HMX1: variants seen among roughly 807,000 people sequenced by gnomAD.
The protein encoded by HMX1 is homeobox protein HMX1.
A neutral mutation model predicts 8.9 loss-of-function variants in HMX1; 8 were observed. The ratio of observed to expected loss-of-function variants is 0.90; its 90% CI spans 0.53 to 1.63. The LOEUF is 1.63. Among genes scored for constraint, HMX1 ranks in the 40% most tolerant of loss-of-function variants. The pLI, the probability that HMX1 is intolerant of heterozygous loss-of-function variation, is 0.00. For synonymous variants in HMX1, 311 were observed against 283.4 expected (o/e 1.10, Z -0.98); for missense variants, 621 against 558.5 (o/e 1.11, Z -1.13).
intron 1 of HMX1, chr4:8,860,968 A>AGGGCGGGGGAGGGGGCGG (rs1159196795): frequency 6.3e-5 from 1 of 15,976 alleles, no homozygotes; most frequent in Non-Finnish European, 1.3e-4. Context: ...GGCGGGGGCG[A>AGGGCGGGGGAGGGGGCGG]GGGCGGGGGA....
chr4:8,847,660 G>A lies in HMX1; in HGVS notation c.395-1336C>T, dbSNP rs755272863. ...GTCACAGATGTGGAAACAGCCTCCC[G>A]TGGAGCTAGCAGTGCCCAGATTTGA... On this transcript the variant is annotated intron_variant, in intron 1 of 1. Transcript: ENST00000506970. The surrounding 1 kb of genome is among the most constrained non-coding windows in gnomAD (Gnocchi z 6.0). 2.0e-5 allele frequency among the ~76,000 whole-genome samples: 3 copies of A among 152,204 alleles called. No individual in the cohort carries two copies. Among genetic ancestry groups the A allele is most frequent in the African/African-American group, 7.2e-5 (3 of 41,442 alleles).
In HMX1 at chr4:8,867,776, C is replaced by CGGA; in HGVS notation, c.961_963dup (p.Ser321dup). The CGGA allele has an allele frequency of 7.9e-7, 1 of 1,269,608 alleles. No individual in the cohort carries two copies. The highest frequency in any genetic ancestry group is 9.9e-7 in the Non-Finnish European group (1 of 1,012,164). The allele number at this position is 1,269,608 out of a possible 1,614,324, so 78.6% of individuals were successfully genotyped here. ...GCGGCCAGCGGGTAGGCGAGGGCCC[C>CGGA]GGAGAAGCCGAGCAGCGGTGGGGGC... is the stretch of plus-strand genomic sequence containing the variant. On this transcript the variant is annotated inframe_insertion, in exon 2 of 2. Transcript: ENST00000400677.
intron 1 of HMX1, chr4:8,846,328 C>G (rs1247344076): frequency 6.5e-7 from 1 of 1,532,886 alleles, no homozygotes; most frequent in Non-Finnish European, 8.7e-7. Context: ...TGTGTGCCTG[C>G]AGGGGAGAAA....
intron 1 of HMX1, among the ~76,000 whole-genome samples, chr4:8,854,493 C>T (rs925949789): frequency 6.6e-6 from 1 of 152,234 alleles, no homozygotes; most frequent in African/African-American, 2.4e-5. Context: ...TGAGGTTCCC[C>T]CAAGCAGCAG....
downstream of HMX1, among the ~76,000 whole-genome samples, chr4:8,864,661 C>T (rs1721938343): frequency 6.6e-6 from 1 of 152,192 alleles, no homozygotes; most frequent in South Asian, 2.1e-4. Flanking sequence ...GTTTGTTCTG[C>T]CTTTGGTGCC....
At position 8,867,842 on chromosome 4, in the gene HMX1, C is replaced by T. The variant is rs1050213588; in HGVS notation, c.898G>A (p.Ala300Thr). Residue 300 changes from alanine (A) to threonine (T), a missense_variant, in exon 2 of 2, where the codon GCC (alanine) becomes ACC (threonine). Ala to Thr is a moderately conservative substitution (Grantham distance 58). Transcript: ENST00000400677. ...GGCGCCAGCGGGAAGGGCAGGGTGG[C>T]CGGGGGCCCAGCGGCGGCTGCGGCC... is the stretch of plus-strand genomic sequence containing the variant. ...PPAAAAAGPP[A>T]TLPFPLAPAA... 5.1e-5 allele frequency: 63 copies of T among 1,235,724 alleles called. No individual in the cohort carries two copies. Among genetic ancestry groups the T allele is most frequent in the African/African-American group, 2.0e-4 (13 of 63,554 alleles). 76.5% of individuals were successfully genotyped at this position (1,235,724 alleles called of 1,614,324 possible).
rs1721361682 is a variant in HMX1 at position 8,849,073 on chromosome 4, A to T, written c.395-2749T>A. Among the ~76,000 whole-genome samples the T allele has an allele frequency of 1.3e-5, 2 of 152,020 alleles. No individual in the cohort carries two copies. Among genetic ancestry groups the T allele is most frequent in the African/African-American group, 4.8e-5 (2 of 41,422 alleles). On this transcript the variant is annotated intron_variant, in intron 1 of 1. Transcript: ENST00000506970. The surrounding 1 kb of genome is among the most constrained non-coding windows in gnomAD (Gnocchi z 6.6). ...GCCTCCTCCCCCTGCCCGCTGCTCC[A>T]TCGTGGACGTCTTCTCTCAGAGCCT...
At chr4:8,864,702 CAG>C (rs1216097873), downstream of HMX1, among the ~76,000 whole-genome samples, 3 of 152,192 alleles carry the variant, frequency 2.0e-5, no homozygotes, top group Admixed American at 2.0e-4. Flanking sequence ...CCACGGATAA[CAG>C]GGCAGGGCCA....
At chr4:8,864,640 G>A (rs1282168903), downstream of HMX1, among the ~76,000 whole-genome samples, 4 of 152,198 alleles carry the variant, frequency 2.6e-5, no homozygotes, top group Admixed American at 2.6e-4. Context: ...GTCCTACACT[G>A]CTTTTCTCTG....
chr4:8,854,003 C>A (rs1244476111), intron 1 of HMX1, among the ~76,000 whole-genome samples: 1 of 152,232 alleles, frequency 6.6e-6, no homozygotes, highest in Non-Finnish European at 1.5e-5. Flanking sequence ...GTGCCCTGAG[C>A]CGACCCATGG....
rs1214891458 is a variant in HMX1, at chr4:8,870,461, G to A, written c.394+760C>T. The stretch of plus-strand genomic sequence containing the variant: ...AGGGAACAAAGGCAAGGAGGGGGAG[G>A]GGCAGAAAAAGAAGAGAGAGGGGTT... On this transcript the variant is annotated intron_variant, in intron 1 of 1. Transcript: ENST00000400677. The surrounding 1 kb of genome is among the most constrained non-coding windows in gnomAD (Gnocchi z 4.4). Among the ~76,000 whole-genome samples, 2 of 152,032 alleles carry A rather than the reference G, an allele frequency of 1.3e-5. No individual in the cohort carries two copies. Among genetic ancestry groups the A allele is most frequent in the Non-Finnish European group, 2.9e-5 (2 of 67,984 alleles).
rs185044370 is a variant in HMX1 at position 8,852,090 on chromosome 4, G to A, written c.395-5766C>T. On this transcript the variant is annotated intron_variant, in intron 1 of 1. Coordinates refer to the HMX1 transcript ENST00000506970. ...CCTCTCCTGACCCTTCCAAGCCCCG[G>A]CTCTGGCTCCAAGGGGCTGTGGGCA... 4.8e-4 allele frequency among the ~76,000 whole-genome samples: 73 copies of A among 152,352 alleles called. 1 individual carries two copies. The highest frequency in any genetic ancestry group is 1.6e-3 in the African/African-American group (66 of 41,586).
Position 8,871,297 on chromosome 4 carries a change from GA to G in HMX1, c.317del (p.Phe106SerfsTer119). 6.9e-7 allele frequency: 1 copy of G among 1,442,604 alleles called. No homozygotes were observed. The highest frequency in any genetic ancestry group is 9.1e-7 in the Non-Finnish European group (1 of 1,104,210). The allele number at this position is 1,442,604 out of a possible 1,614,324, so 89.4% of individuals were successfully genotyped here. ...GCGCTGCGCCTCCGCAGCCCAGAGC[GA>G]AGGGCGGCCCGGGACCGGGGGGCGG... ...PRPPPGPGPP[F>X]ALGCGGAARW... is the part of the protein sequence containing the mutation. On this transcript the variant is annotated frameshift_variant, in exon 1 of 2. Coordinates refer to ENST00000400677, the MANE Select transcript of HMX1 (RefSeq NM_018942.3). LOFTEE classifies it high-confidence loss of function. The surrounding 1 kb of genome is among the most constrained non-coding windows in gnomAD (Gnocchi z 4.8).
At position 8,870,651 on chromosome 4, in the gene HMX1, G is replaced by A. The variant is rs1470179594; in HGVS notation, c.394+570C>T. Among the ~76,000 whole-genome samples the A allele has an allele frequency of 1.5e-5, 2 of 132,936 alleles. No individual in the cohort carries two copies. The highest frequency in any genetic ancestry group is 3.2e-5 in the Non-Finnish European group (2 of 62,320). The allele number at this position is 132,936 out of a possible 152,430, so 87.2% of individuals were successfully genotyped here. ...GCCATGTTAGATGGCTCCCCTCCCC[G>A]GCCCCACCCCCACAACACTGCACCC... is the stretch of plus-strand genomic sequence containing the variant. On this transcript the variant is annotated intron_variant, in intron 1 of 1. Coordinates refer to ENST00000400677, the MANE Select transcript of HMX1 (RefSeq NM_018942.3). This position sits in a 1 kb window ranked among gnomAD's most constrained non-coding sequence, Gnocchi z 4.4.
chr4:8,865,622 C>T (rs561348230), downstream of HMX1, among the ~76,000 whole-genome samples: 20 of 151,954 alleles, frequency 1.3e-4, no homozygotes, highest in African/African-American at 4.8e-4. Flanking sequence ...GAGCCTGAGT[C>T]AGGGGTGCGA....
At chr4:8,850,077 T>C (rs1212116463) in intron 1 of HMX1, among the ~76,000 whole-genome samples, 2 of 152,134 alleles carry the variant, frequency 1.3e-5, no homozygotes, top group African/African-American at 4.8e-5. Flanking sequence ...TGGCACCTGA[T>C]AGGCACACGG....
At chr4:8,863,520 C>G (rs963441905), downstream of HMX1, among the ~76,000 whole-genome samples, 3 of 152,232 alleles carry the variant, frequency 2.0e-5, no homozygotes, top group Non-Finnish European at 4.4e-5. Flanking sequence ...GGGCACCCCT[C>G]CCCTGCACCT....
chr4:8,860,470 G>A (rs1463984972), intron 1 of HMX1, among the ~76,000 whole-genome samples: 1 of 152,250 alleles, frequency 6.6e-6, no homozygotes, highest in Admixed American at 6.5e-5. Context: ...GGCTCAGAGA[G>A]ATGAAGTGAC....
chr4:8,867,765 G>A lies in HMX1; in HGVS notation c.975C>T (p.Ala325=). 1 of 1,281,280 alleles carries A rather than the reference G, an allele frequency of 7.8e-7. No individual in the cohort carries two copies. The highest frequency in any genetic ancestry group is 9.8e-7 in the Non-Finnish European group (1 of 1,017,584). 79.4% of individuals were successfully genotyped at this position (1,281,280 alleles called of 1,614,324 possible). A position where few individuals can be genotyped will look rare whatever the true frequency, so the allele number is the denominator to read the frequency against. The change falls in exon 2 of 2, where the codon GCC becomes GCT. Residue 325 remains alanine (A), a synonymous_variant. Transcript: ENST00000400677. ...PPLLGFSGAL[A]YPLAAFPAAA... ...CGGCCGGGAAGGCGGCCAGCGGGTAGGCGAGGGCCCCGGAGAAGCCGAGCA... is the reference window on the plus strand; with the variant it reads ...CGGCCGGGAAGGCGGCCAGCGGGTAAGCGAGGGCCCCGGAGAAGCCGAGCA...
Sources: gnomAD v4.1 joint callset for allele counts (sites outside exome capture counted in the v4.1 genomes callset) on GRCh38, gnomAD v4.1.1 for gene constraint, Gnocchi (gnomAD v3.1) non-coding constraint, MANE v1.5 for transcripts, NCBI Gene and HGNC (gene_info 2026-07-23, HGNC 2026-07-21) for gene names.